The following RAB30 variants were observed in gnomAD, a reference collection of about 807,000 sequenced individuals.
RAB30 encodes the protein ras-related protein Rab-30.
In RAB30, 9 loss-of-function variants were observed where a neutral mutation model predicts 25.1. That is an observed-to-expected ratio of 0.36 (90% CI 0.22 to 0.63). RAB30 has a LOEUF of 0.63. Among genes scored for constraint, RAB30 ranks in the 20% least tolerant of loss-of-function variants. The pLI, the probability that RAB30 is intolerant of heterozygous loss-of-function variation, is 0.69. For missense variants in RAB30, 140 were observed against 243.5 expected (o/e 0.58, Z 2.83); for synonymous variants, 77 against 86.4 (o/e 0.89, Z 0.60).
intron 1 of RAB30, among the ~76,000 whole-genome samples, chr11:83,007,858 G>A (rs1056798411): frequency 3.9e-5 from 6 of 152,144 alleles, no homozygotes; most frequent in Non-Finnish European, 8.8e-5. Context: ...GGAGACTTCT[G>A]TCTGCAAAAC....
intron 2 of RAB30, among the ~76,000 whole-genome samples, chr11:82,994,476 C>T (rs1856919431): frequency 6.6e-6 from 1 of 152,110 alleles, no homozygotes. Context: ...GATTGAAGGG[C>T]ATGCGACCAC....
intron 1 of RAB30, among the ~76,000 whole-genome samples, chr11:83,050,075 T>C (rs907209912): frequency 1.3e-5 from 2 of 151,996 alleles, no homozygotes; most frequent in African/African-American, 4.8e-5. Context: ...CTGGGCAACA[T>C]AGGGAGACCT....
chr11:83,019,662 A>C (rs1468736492), intron 1 of RAB30, among the ~76,000 whole-genome samples: 1 of 152,222 alleles, frequency 6.6e-6, no homozygotes, highest in Non-Finnish European at 1.5e-5. Context: ...CTAAGTTACT[A>C]GTACACACAA....
chr11:83,055,202 C>T (rs551765497), intron 1 of RAB30, among the ~76,000 whole-genome samples: 1 of 152,290 alleles, frequency 6.6e-6, no homozygotes, highest in Admixed American at 6.5e-5. Context: ...AAATCTGCCA[C>T]CATACATAAA....
At chr11:83,005,941 C>G (rs1178603401) in intron 1 of RAB30, among the ~76,000 whole-genome samples, 1 of 150,558 alleles carries the variant, frequency 6.6e-6, no homozygotes, top group Admixed American at 6.6e-5. Flanking sequence ...AAAAATAGCA[C>G]TTACATTTTT....
At chr11:83,031,863 G>A (rs1465524435) in intron 1 of RAB30, among the ~76,000 whole-genome samples, 1 of 152,124 alleles carries the variant, frequency 6.6e-6, no homozygotes, top group Non-Finnish European at 1.5e-5. Flanking sequence ...AAAATGCATA[G>A]GTAAACTTAG....
At chr11:83,007,745 G>T (rs1331439538) in intron 1 of RAB30, among the ~76,000 whole-genome samples, 4 of 152,200 alleles carry the variant, frequency 2.6e-5, no homozygotes, top group African/African-American at 9.7e-5. Flanking sequence ...CCTGGGAGCA[G>T]GTGCTTGACA....
chr11:83,031,596 C>T (rs1857861611), intron 1 of RAB30, among the ~76,000 whole-genome samples: 1 of 149,862 alleles, frequency 6.7e-6, no homozygotes, highest in African/African-American at 2.5e-5. Flanking sequence ...GGTGCAATCT[C>T]GGCACACCGC....
At chr11:83,008,856 C>T (rs745438823) in intron 1 of RAB30, among the ~76,000 whole-genome samples, 3 of 152,242 alleles carry the variant, frequency 2.0e-5, no homozygotes, top group African/African-American at 2.4e-5. Context: ...AGCCAGTCTA[C>T]GAAGTGTTTT....
intron 1 of RAB30, among the ~76,000 whole-genome samples, chr11:83,017,593 T>G (rs1004431175): frequency 6.6e-6 from 1 of 151,984 alleles, no homozygotes; most frequent in Non-Finnish European, 1.5e-5. Context: ...TGCATCCTCA[T>G]AGCTTAGCTC....
intron 1 of RAB30, among the ~76,000 whole-genome samples, chr11:83,060,337 C>T (rs1483582130): frequency 1.3e-5 from 2 of 152,080 alleles, no homozygotes; most frequent in Non-Finnish European, 2.9e-5. Context: ...CCAGGATTAT[C>T]GATAGATGTT....
chr11:83,039,931 G>C (rs1590869853), intron 1 of RAB30, among the ~76,000 whole-genome samples: 2 of 152,318 alleles, frequency 1.3e-5, no homozygotes, highest in East Asian at 3.9e-4. Context: ...AGAGGAAGAG[G>C]AGGCAGTCTT....
chr11:83,024,472 A>G (rs935445034), intron 1 of RAB30, among the ~76,000 whole-genome samples: 1 of 152,242 alleles, frequency 6.6e-6, no homozygotes, highest in Non-Finnish European at 1.5e-5. Context: ...TTTCTTGAGC[A>G]GTTTTATGGA....
intron 4 of RAB30, among the ~76,000 whole-genome samples, chr11:82,986,059 ACTGT>A (rs1235144165): frequency 7.2e-5 from 11 of 152,144 alleles, no homozygotes; most frequent in Admixed American, 4.6e-4. Context: ...AAATTTGAAC[ACTGT>A]CTAAGTTTTT....
Position 82,980,236 on chromosome 11 carries a change from A to G in RAB30, c.*1929T>C, listed in dbSNP as rs1856615272. 6.6e-6 allele frequency: 1 copy of G among 152,226 alleles called. No individual in the cohort carries two copies. Among genetic ancestry groups the G allele is most frequent in the Non-Finnish European group, 1.5e-5 (1 of 68,040 alleles). The allele number at this position is 152,226 out of a possible 1,614,324, so 9.4% of individuals were successfully genotyped here. A position where few individuals can be genotyped will look rare whatever the true frequency, so the allele number is the denominator to read the frequency against. On this transcript the variant is annotated 3_prime_UTR_variant, in exon 5 of 5. Transcript: ENST00000527633. ...ATTATAAATTATTTTGGTTTTTATT[A>G]AAATGACTTTTCTTTCCTGCAGAGA... is the stretch of plus-strand genomic sequence containing the variant.
At position 82,978,020 on chromosome 11, in the gene RAB30, AT is replaced by A. The variant is rs1434367481; in HGVS notation, c.*4144del. Reference sequence around the variant, plus strand: ...TCCAAAAAGAAAGTAAAGAAAACATATCCCTCCCTTATCCCAAAATTAGTGT... The same window carrying A: ...TCCAAAAAGAAAGTAAAGAAAACATACCCTCCCTTATCCCAAAATTAGTGT... On this transcript the variant is annotated 3_prime_UTR_variant, in exon 5 of 5. Coordinates refer to ENST00000527633, the MANE Select transcript of RAB30 (RefSeq NM_001286060.2). The A allele has an allele frequency of 6.6e-6, 1 of 152,226 alleles. No individual in the cohort carries two copies. Among genetic ancestry groups the A allele is most frequent in the Non-Finnish European group, 1.5e-5 (1 of 68,036 alleles). The allele number at this position is 152,226 out of a possible 1,614,324, so 9.4% of individuals were successfully genotyped here.
intron 1 of RAB30, among the ~76,000 whole-genome samples, chr11:83,062,464 C>T (rs533357484): frequency 4.6e-5 from 7 of 152,262 alleles, no homozygotes; most frequent in African/African-American, 1.7e-4. Context: ...ATTTAGCACA[C>T]AAACACTGGC....
Position 82,982,431 on chromosome 11 carries a change from A to C in RAB30, c.362-16T>G. 1 of 1,607,264 alleles carries C rather than the reference A, an allele frequency of 6.2e-7. No homozygotes were observed. Among genetic ancestry groups the C allele is most frequent in the Non-Finnish European group, 8.5e-7 (1 of 1,176,916 alleles). On this transcript the variant is annotated splice_polypyrimidine_tract_variant and intron_variant, in intron 4 of 4. Transcript: ENST00000527633. ...ATCTTGTTGCCTATAACAGTAGTAA[A>C]ATCAAATAAAGAATCAGCATTTGAC...
intron 1 of RAB30, among the ~76,000 whole-genome samples, chr11:83,059,816 A>T (rs772373135): frequency 9.9e-5 from 15 of 152,178 alleles, no homozygotes; most frequent in Non-Finnish European, 2.2e-4. Flanking sequence ...AGAAAGCATA[A>T]GGTTGAGGGG....
Sources: gnomAD v4.1 joint callset for allele counts (sites outside exome capture counted in the v4.1 genomes callset) on GRCh38, gnomAD v4.1.1 for gene constraint, MANE v1.5 for transcripts, NCBI Gene and HGNC (gene_info 2026-07-23, HGNC 2026-07-21) for gene names.